CDH13: variants seen among roughly 807,000 people sequenced by gnomAD.
CDH13 encodes cadherin 13, also known as cadherin-13.
In CDH13, 24 loss-of-function variants were observed where a neutral mutation model predicts 63.8. That is an observed-to-expected ratio of 0.38 (90% CI 0.27 to 0.53). The LOEUF is 0.53. CDH13 is among the 20% of genes least tolerant of loss of function. CDH13 has a pLI of 0.85. For missense variants in CDH13, 1,049 were observed against 903.1 expected (o/e 1.16, Z -2.07); for synonymous variants, 503 against 355.3 (o/e 1.42, Z -4.67).
intron 8 of CDH13, among the ~76,000 whole-genome samples, chr16:83,635,677 T>G (rs1911196876): frequency 6.6e-6 from 1 of 152,148 alleles, no homozygotes; most frequent in South Asian, 2.1e-4. Flanking sequence ...GTTTGAGTGT[T>G]GAGAGTCTTT....
chr16:82,633,445 T>A (rs879580236), intron 1 of CDH13, among the ~76,000 whole-genome samples: 32 of 152,236 alleles, frequency 2.1e-4, no homozygotes, highest in Non-Finnish European at 1.2e-4. Flanking sequence ...GGTGGCGCGA[T>A]GTCGGCTCAC....
In CDH13 at chr16:83,508,128, A is replaced by G. The variant is rs1185769331; in HGVS notation, c.960+21473A>G. 6.6e-4 allele frequency among the ~76,000 whole-genome samples: 44 copies of G among 66,446 alleles called. 1 individual carries two copies. Among genetic ancestry groups the G allele is most frequent in the African/African-American group, 2.3e-3 (37 of 16,070 alleles). 43.6% of individuals were successfully genotyped at this position (66,446 alleles called of 152,430 possible). Reference sequence around the variant, plus strand: ...GGAAGGAAAAGGAAGGAAGGGAGGAAGGAAAGGGAAGGGGAGGGGAGGGGA... The same window carrying G: ...GGAAGGAAAAGGAAGGAAGGGAGGAGGGAAAGGGAAGGGGAGGGGAGGGGA... On this transcript the variant is annotated intron_variant, in intron 7 of 13. Coordinates refer to ENST00000567109, the MANE Select transcript of CDH13 (RefSeq NM_001257.5).
At chr16:83,512,829 C>G (rs929105905) in intron 7 of CDH13, among the ~76,000 whole-genome samples, 2 of 152,026 alleles carry the variant, frequency 1.3e-5, no homozygotes, top group South Asian at 4.2e-4. Flanking sequence ...CATTCTCGGG[C>G]CTCCCCACAA....
At chr16:82,819,063 A>T (rs1455767598) in intron 1 of CDH13, among the ~76,000 whole-genome samples, 1 of 152,180 alleles carries the variant, frequency 6.6e-6, no homozygotes, top group Non-Finnish European at 1.5e-5. Context: ...TATTTATTCA[A>T]TACTAAAGAA....
At chr16:83,116,248 C>T (rs1295103904) in intron 3 of CDH13, among the ~76,000 whole-genome samples, 4 of 152,178 alleles carry the variant, frequency 2.6e-5, no homozygotes, top group Non-Finnish European at 5.9e-5. Flanking sequence ...AGGTTGGCTC[C>T]CGGGAAATAG....
At chr16:83,350,842 C>G (rs990676593) in intron 6 of CDH13, among the ~76,000 whole-genome samples, 2 of 152,166 alleles carry the variant, frequency 1.3e-5, no homozygotes, top group African/African-American at 4.8e-5. Context: ...TTTATTTTTC[C>G]TCCAGGATCC....
At chr16:82,823,253 G>T (rs925067824) in intron 1 of CDH13, 3 of 152,426 alleles carry the variant, frequency 2.0e-5, no homozygotes, top group East Asian at 3.9e-4. Context: ...GGGGCAGCAG[G>T]GGAAGGGGAT....
At chr16:82,685,481 G>A (rs1053582223) in intron 1 of CDH13, among the ~76,000 whole-genome samples, 2 of 152,234 alleles carry the variant, frequency 1.3e-5, no homozygotes, top group Non-Finnish European at 2.9e-5. Flanking sequence ...ACATATGGAT[G>A]TTGGGGGGAA....
intron 5 of CDH13, among the ~76,000 whole-genome samples, chr16:83,318,673 C>G (rs924780189): frequency 2.0e-5 from 3 of 152,144 alleles, no homozygotes; most frequent in African/African-American, 7.2e-5. Flanking sequence ...CTCCTGTGGC[C>G]TACGGAAATC....
At chr16:82,960,221 A>T (rs1172277542) in intron 2 of CDH13, among the ~76,000 whole-genome samples, 1 of 152,162 alleles carries the variant, frequency 6.6e-6, no homozygotes, top group East Asian at 1.9e-4. Context: ...GATGATGAGA[A>T]GCAGTAGGAT....
intron 6 of CDH13, among the ~76,000 whole-genome samples, chr16:83,371,251 C>G (rs1489799894): frequency 6.6e-6 from 1 of 152,212 alleles, no homozygotes; most frequent in South Asian, 2.1e-4. Context: ...TTTCTGTTGA[C>G]TGCCCCATGG....
chr16:83,766,016 G>T (rs551797749), intron 11 of CDH13, among the ~76,000 whole-genome samples: 13 of 152,166 alleles, frequency 8.5e-5, no homozygotes, highest in Non-Finnish European at 1.8e-4. Flanking sequence ...GCTCAAGATT[G>T]CTCATTAGCT....
chr16:83,109,284 G>A (rs375458981), intron 3 of CDH13, among the ~76,000 whole-genome samples: 30 of 152,204 alleles, frequency 2.0e-4, no homozygotes, highest in South Asian at 1.7e-3. Context: ...GCAACCGCTC[G>A]TGAGTGCAGT....
chr16:83,624,635 G>A (rs929213211), intron 8 of CDH13, among the ~76,000 whole-genome samples: 1 of 152,158 alleles, frequency 6.6e-6, no homozygotes, highest in Non-Finnish European at 1.5e-5. Flanking sequence ...CTCACCTCCT[G>A]CTGTGCTGCC....
chr16:83,124,205 C>G (rs1030816516), intron 3 of CDH13, among the ~76,000 whole-genome samples: 1 of 152,092 alleles, frequency 6.6e-6, no homozygotes, highest in African/African-American at 2.4e-5. Context: ...GCCACCATGC[C>G]TGGCTAATTT....
At chr16:82,754,999 A>G (rs1169763059) in intron 1 of CDH13, among the ~76,000 whole-genome samples, 1 of 152,074 alleles carries the variant, frequency 6.6e-6, no homozygotes, top group Non-Finnish European at 1.5e-5. Context: ...TCTCCTTACT[A>G]TTACCCTGGG....
At chr16:83,586,758 A>G (rs552121936) in intron 7 of CDH13, among the ~76,000 whole-genome samples, 2 of 152,308 alleles carry the variant, frequency 1.3e-5, no homozygotes, top group South Asian at 4.2e-4. Flanking sequence ...TGTACCAGGC[A>G]TAAAATCACG....
At chr16:83,591,616 C>G (rs1000165545) in intron 7 of CDH13, among the ~76,000 whole-genome samples, 1 of 152,208 alleles carries the variant, frequency 6.6e-6, no homozygotes, top group Non-Finnish European at 1.5e-5. Flanking sequence ...CCAGGCCCTT[C>G]TTCCTTCTCT....
intron 6 of CDH13, chr16:83,382,976 AT>A (rs970934080): frequency 6.6e-6 from 1 of 152,224 alleles, no homozygotes; most frequent in Admixed American, 6.5e-5. Context: ...CCCAAGAATT[AT>A]CCAGTCAAAA....
Sources: gnomAD v4.1 joint callset for allele counts (sites outside exome capture counted in the v4.1 genomes callset) on GRCh38, gnomAD v4.1.1 for gene constraint, MANE v1.5 for transcripts, NCBI Gene and HGNC (gene_info 2026-07-23, HGNC 2026-07-21) for gene names.